The following GLI4 variants were observed in gnomAD, a reference collection of about 807,000 sequenced individuals.
GLI4 encodes the protein zinc finger protein GLI4.
In GLI4, 34 loss-of-function variants were observed where a neutral mutation model predicts 30.9. The observed-to-expected ratio is 1.10, with a 90% CI of 0.84 to 1.47. The LOEUF is 1.47. Ranked by LOEUF, GLI4 falls within the 40% of genes most tolerant of loss-of-function variation. The probability of loss-of-function intolerance (pLI) is 0.00; values close to 1 mark genes in which losing one functional copy is unlikely to be tolerated. For missense variants in GLI4, 696 were observed against 538.9 expected, an observed-to-expected ratio of 1.29 and a Z score of -2.89; for synonymous variants, 277 against 236.7, an observed-to-expected ratio of 1.17 and a Z score of -1.56.
Position 143,276,297 on chromosome 8 carries a change from G to C in GLI4, c.624G>C (p.Glu208Asp), listed in dbSNP as rs778175890. The C allele has an allele frequency of 6.2e-7, 1 of 1,611,798 alleles. No individual in the cohort carries two copies. Among genetic ancestry groups the C allele is most frequent in the East Asian group, 2.2e-5 (1 of 44,826 alleles). ...LLKHQRIHTG[E>D]KPYACHECGK... is the part of the protein sequence containing the mutation. ...AGCACCAGCGCATCCACACGGGCGA[G>C]AAGCCCTACGCCTGCCACGAGTGCG... Residue 208 changes from glutamate (E) to aspartate (D), a missense_variant, in exon 4 of 4, where the codon GAG (glutamate) becomes GAC (aspartate). By Grantham distance (45) the Glu-to-Asp change is conservative. Transcript: ENST00000340042.
intron 2 of GLI4, among the ~76,000 whole-genome samples, chr8:143,271,876 AGCGGGGAGACCAG>A (rs1247007346): frequency 6.6e-6 from 1 of 152,140 alleles, no homozygotes; most frequent in African/African-American, 2.4e-5. Context: ...AGCCTTGCAG[AGCGGGGAGACCAG>A]GCGGTGGGAA....
At chr8:143,271,171 G>C (rs528552060) in intron 2 of GLI4, among the ~76,000 whole-genome samples, 2 of 152,218 alleles carry the variant, frequency 1.3e-5, no homozygotes, top group Non-Finnish European at 2.9e-5. Context: ...TCTCCTTGCT[G>C]TGCTAGAAAC....
Position 143,276,158 on chromosome 8 carries a change from C to G in GLI4, c.485C>G (p.Ala162Gly), listed in dbSNP as rs975724726. The G allele has an allele frequency of 6.8e-5, 106 of 1,548,700 alleles. No individual in the cohort carries two copies. The highest frequency in any genetic ancestry group is 9.8e-5 in the Admixed American group (5 of 50,980). ...AAGPEGAPER[A>G]AELGVNFGRS... is the part of the protein sequence containing the mutation. Reference sequence around the variant, plus strand: ...GGGCCCGAGGGTGCGCCCGAGCGGGCTGCCGAGCTGGGAGTCAACTTCGGT... The same window carrying G: ...GGGCCCGAGGGTGCGCCCGAGCGGGGTGCCGAGCTGGGAGTCAACTTCGGT... Residue 162 changes from alanine (A) to glycine (G), a missense_variant, in exon 4 of 4, where the codon GCT becomes GGT. Coordinates refer to ENST00000340042, the MANE Select transcript of GLI4 (RefSeq NM_138465.4).
At chr8:143,275,805 C>CT (rs1815371109) in intron 3 of GLI4, 92 bp from the exon 4 acceptor site, 1 of 1,243,998 alleles carries the variant, frequency 8.0e-7, no homozygotes, top group Non-Finnish European at 1.0e-6. Context: ...TAAGCCCCCC[C>CT]GTCCAGCTCT....
chr8:143,276,098 C>A lies in GLI4; in HGVS notation c.425C>A (p.Ala142Asp). Reference sequence around the variant, plus strand: ...GTCCCTTGCGCCCAGCCGCGGGGCGCCTGGCGCGTGACGCTCGTGCAGCAA... The same window carrying A: ...GTCCCTTGCGCCCAGCCGCGGGGCGACTGGCGCGTGACGCTCGTGCAGCAA... ...GAVPCAQPRG[A>D]WRVTLVQQAA... The change falls in exon 4 of 4, where the codon GCC (alanine) becomes GAC (aspartate). Residue 142 changes from alanine to aspartate, a missense_variant. Coordinates refer to ENST00000340042, the MANE Select transcript of GLI4 (RefSeq NM_138465.4). 7.0e-7 allele frequency: 1 copy of A among 1,425,658 alleles called. No homozygotes were observed. The highest frequency in any genetic ancestry group is 9.1e-7 in the Non-Finnish European group (1 of 1,100,302). 88.3% of individuals were successfully genotyped at this position (1,425,658 alleles called of 1,614,324 possible). A position where few individuals can be genotyped will look rare whatever the true frequency, so the allele number is the denominator to read the frequency against.
rs767295046 is a variant in GLI4 at position 143,276,715 on chromosome 8, G to A, written c.1042G>A (p.Glu348Lys). 19 of 1,610,904 alleles carry A rather than the reference G, an allele frequency of 1.2e-5. No individual in the cohort carries two copies. The highest frequency in any genetic ancestry group is 2.2e-5 in the South Asian group (2 of 90,932). Residue 348 changes from glutamate to lysine, a missense_variant, in exon 4 of 4, where the codon GAG becomes AAG. By Grantham distance (56) the Glu-to-Lys change is moderately conservative. Transcript: ENST00000340042. ...CCGGCACCTGCGGACCCACACGGGCGAGAAGCCCTTCGCGTGTGGCGCCTG... is the reference window on the plus strand; with the variant it reads ...CCGGCACCTGCGGACCCACACGGGCAAGAAGCCCTTCGCGTGTGGCGCCTG... ...FFRHLRTHTG[E>K]KPFACGACGK...
At position 143,276,642 on chromosome 8, in the gene GLI4, C is replaced by G; in HGVS notation, c.969C>G (p.Tyr323Ter). The G allele has an allele frequency of 6.2e-7, 1 of 1,612,452 alleles. No homozygotes were observed. Among genetic ancestry groups the G allele is most frequent in the Non-Finnish European group, 8.5e-7 (1 of 1,179,732 alleles). Residue 323 changes from tyrosine (Y) to a stop codon, truncating the protein, a stop_gained, in exon 4 of 4, where the codon TAC (tyrosine) becomes TAG (stop). Transcript: ENST00000340042. LOFTEE classifies it high-confidence loss of function. ...HQRIHTGEKPYECSDCGKAFR... is the reference protein window; with the variant it reads ...HQRIHTGEKP ...GCATCCACACTGGCGAGAAGCCCTA[C>G]GAGTGCTCCGACTGCGGCAAAGCCT...
rs1185030150 is a variant in GLI4, at chr8:143,275,882, C to T, written c.224-15C>T. 2.3e-6 allele frequency: 3 copies of T among 1,276,794 alleles called. No individual in the cohort carries two copies. The highest frequency in any genetic ancestry group is 2.9e-5 in the South Asian group (1 of 34,560). The allele number at this position is 1,276,794 out of a possible 1,614,324, so 79.1% of individuals were successfully genotyped here. On this transcript the variant is annotated splice_polypyrimidine_tract_variant and intron_variant, in intron 3 of 3. Transcript: ENST00000340042. Reference sequence around the variant, plus strand: ...GCATGCGGGTACTATCCGCCTCTGCCGTTTCTCATTTCAGACTCCGAGCCC... The same window carrying T: ...GCATGCGGGTACTATCCGCCTCTGCTGTTTCTCATTTCAGACTCCGAGCCC...
rs568380213 is a variant in GLI4, at chr8:143,269,294, C to T, written c.-37-66C>T. Reference sequence around the variant, plus strand: ...CCTTGGAGAGCTGGCATGTTGCCTCCTCCTGCACCATCCCCCCGACATTCC... The same window carrying T: ...CCTTGGAGAGCTGGCATGTTGCCTCTTCCTGCACCATCCCCCCGACATTCC... On this transcript the variant is annotated intron_variant, in intron 1 of 3. Transcript: ENST00000340042. 2.7e-5 allele frequency: 33 copies of T among 1,242,082 alleles called. 1 individual carries two copies. In the South Asian group the frequency reaches 4.3e-4, roughly 16 times the overall value. 76.9% of individuals were successfully genotyped at this position (1,242,082 alleles called of 1,614,324 possible).
At chr8:143,268,793 A>G (rs1815197939) in intron 1 of GLI4, among the ~76,000 whole-genome samples, 1 of 143,508 alleles carries the variant, frequency 7.0e-6, no homozygotes, top group East Asian at 2.0e-4. Context: ...TGTGCCGCCC[A>G]GGCGGTGGCT....
At chr8:143,275,729 C>T (rs1227633353) in intron 3 of GLI4, 168 bp from the exon 4 acceptor site, 8 of 1,240,334 alleles carry the variant, frequency 6.4e-6, no homozygotes, top group Non-Finnish European at 7.0e-6. Context: ...CTCCTGGGCA[C>T]GGCACTCCGA....
chr8:143,276,153 G>A lies in GLI4; in HGVS notation c.480G>A (p.Glu160=). 6.5e-7 allele frequency: 1 copy of A among 1,547,266 alleles called. No homozygotes were observed. The highest frequency in any genetic ancestry group is 8.7e-7 in the Non-Finnish European group (1 of 1,146,114). Reference sequence around the variant, plus strand: ...CGGCCGGGCCCGAGGGTGCGCCCGAGCGGGCTGCCGAGCTGGGAGTCAACT... The same window carrying A: ...CGGCCGGGCCCGAGGGTGCGCCCGAACGGGCTGCCGAGCTGGGAGTCAACT... ...QAAAGPEGAP[E]RAAELGVNFG... The change falls in exon 4 of 4, where the codon GAG becomes GAA. Residue 160 remains glutamate (E), a synonymous_variant. Coordinates refer to ENST00000340042, the MANE Select transcript of GLI4 (RefSeq NM_138465.4).
At chr8:143,275,495 C>T in intron 3 of GLI4, 7 of 1,303,992 alleles carry the variant, frequency 5.4e-6, no homozygotes, top group Non-Finnish European at 6.8e-6. Flanking sequence ...CCCATATGGA[C>T]CACATCCTCG....
chr8:143,274,872 C>T (rs1359372435), intron 3 of GLI4, 70 bp downstream of exon 3: 26 of 1,507,492 alleles, frequency 1.7e-5, no homozygotes, highest in Non-Finnish European at 2.3e-5. Context: ...CAATGCCCAC[C>T]TCTGTGGCAC....
At chr8:143,270,612 G>A (rs545986158) in intron 2 of GLI4, among the ~76,000 whole-genome samples, 7 of 152,312 alleles carry the variant, frequency 4.6e-5, no homozygotes, top group South Asian at 2.1e-4. Context: ...CCTGAGGGCC[G>A]TGCTCCTCAC....
Position 143,268,094 on chromosome 8 carries a change from C to T in GLI4, c.-38+610C>T, listed in dbSNP as rs985522021. 8 of 985,206 alleles carry T rather than the reference C, an allele frequency of 8.1e-6. No homozygotes were observed. In the Admixed American group the frequency reaches 1.8e-4, roughly 23 times the overall value. 61.0% of individuals were successfully genotyped at this position (985,206 alleles called of 1,614,324 possible). ...TCGAGCAGGCCCTTTTACCAGGTGT[C>T]CCCAGTAAGTTAACTAAGTAACTTG... On this transcript the variant is annotated intron_variant, in intron 1 of 3. Coordinates refer to ENST00000340042, the MANE Select transcript of GLI4 (RefSeq NM_138465.4).
rs1815373629 is a variant in GLI4 at position 143,275,900 on chromosome 8, C to G, written c.227C>G (p.Ser76Cys). Residue 76 changes from serine (S) to cysteine (C), a missense_variant, in exon 4 of 4, where the codon TCC becomes TGC. By Grantham distance (112) the Ser-to-Cys change is moderately radical. Coordinates refer to ENST00000340042, the MANE Select transcript of GLI4 (RefSeq NM_138465.4). ...CCTCTGCCGTTTCTCATTTCAGACTCCGAGCCCAAGCCGGAGCAGGCTCCA... is the reference window on the plus strand; with the variant it reads ...CCTCTGCCGTTTCTCATTTCAGACTGCGAGCCCAAGCCGGAGCAGGCTCCA... ...EIGRDTFWPD[S>C]EPKPEQAPRS... The G allele has an allele frequency of 7.7e-7, 1 of 1,294,574 alleles. No homozygotes were observed. Among genetic ancestry groups the G allele is most frequent in the African/African-American group, 1.5e-5 (1 of 65,176 alleles). 80.2% of individuals were successfully genotyped at this position (1,294,574 alleles called of 1,614,324 possible).
intron 3 of GLI4, chr8:143,275,052 T>C (rs1469554308): frequency 1.3e-6 from 2 of 1,533,594 alleles, no homozygotes; most frequent in Non-Finnish European, 1.7e-6. Context: ...CGTGGACTCC[T>C]GCCGGCCCCA....
At chr8:143,272,299 C>T (rs1339275905) in intron 2 of GLI4, 1 of 152,446 alleles carries the variant, frequency 6.6e-6, no homozygotes, top group Non-Finnish European at 1.5e-5. Context: ...TCCCACAGAC[C>T]ACCCCCCAGC....
Sources: gnomAD v4.1 joint callset for allele counts (sites outside exome capture counted in the v4.1 genomes callset) on GRCh38, gnomAD v4.1.1 for gene constraint, MANE v1.5 for transcripts, NCBI Gene and HGNC (gene_info 2026-07-23, HGNC 2026-07-21) for gene names.